NFIA: variants seen among roughly 807,000 people sequenced by gnomAD.
NFIA encodes nuclear factor I A, also known as nuclear factor 1 A-type.
NFIA carries 8 observed loss-of-function variants against 62.8 expected under a neutral mutation model. The ratio of observed to expected loss-of-function variants is 0.13; its 90% CI spans 0.07 to 0.23. The LOEUF (loss-of-function observed/expected upper bound fraction) is 0.23. Ranked by LOEUF, NFIA falls within the 10% of genes least tolerant of loss-of-function variation. The pLI is 1.00. For synonymous variants in NFIA, 235 were observed against 238.1 expected (o/e 0.99, Z 0.12); for missense variants, 410 against 642.1 (o/e 0.64, Z 3.91).
intron 8 of NFIA, 61 bp from the exon 9 acceptor site, chr1:61,406,501 G>A (rs1665826733): frequency 1.4e-6 from 2 of 1,425,264 alleles, no homozygotes; most frequent in South Asian, 1.3e-5. Context: ...AGCAGCTAAT[G>A]GTTGCTGTCT....
Position 61,269,509 on chromosome 1 carries a change from AT to A in NFIA, c.560-8002del, listed in dbSNP as rs570624607. The stretch of plus-strand genomic sequence containing the variant: ...GTGACAAAGAGTTAGAGCTGGATGT[AT>A]TTTTTTTTAAAGTTTCTAAGGTTTT... On this transcript the variant is annotated intron_variant, in intron 2 of 10. Transcript: ENST00000403491. Among the ~76,000 whole-genome samples the A allele has an allele frequency of 1.4e-3, 213 of 151,584 alleles. 1 individual carries two copies. Among genetic ancestry groups the A allele is most frequent in the Non-Finnish European group, 2.4e-3 (160 of 67,822 alleles).
chr1:61,134,478 T>C (rs1038763819), intron 2 of NFIA, among the ~76,000 whole-genome samples: 29 of 152,172 alleles, frequency 1.9e-4, no homozygotes, highest in Admixed American at 1.9e-3. Flanking sequence ...CATGTCCATG[T>C]TACTCTGTGG....
At chr1:61,437,726 C>T (rs1667394652) in intron 10 of NFIA, among the ~76,000 whole-genome samples, 1 of 152,086 alleles carries the variant, frequency 6.6e-6, no homozygotes, top group African/African-American at 2.4e-5. Context: ...GAAGATATGC[C>T]AGAGGAGAAG....
chr1:61,144,895 A>T (rs886996089), intron 2 of NFIA, among the ~76,000 whole-genome samples: 2 of 143,322 alleles, frequency 1.4e-5, no homozygotes, highest in Non-Finnish European at 3.0e-5. Flanking sequence ...AGAAAAAAGA[A>T]TAATGGGACT....
At chr1:61,139,387 C>G (rs1025157696) in intron 2 of NFIA, among the ~76,000 whole-genome samples, 1 of 152,122 alleles carries the variant, frequency 6.6e-6, no homozygotes, top group Non-Finnish European at 1.5e-5. Flanking sequence ...TGAGGGGCTC[C>G]GTGCAGCTTG....
chr1:61,359,844 G>T (rs1205796279), intron 6 of NFIA, among the ~76,000 whole-genome samples: 4 of 152,146 alleles, frequency 2.6e-5, no homozygotes, highest in Non-Finnish European at 4.4e-5. Context: ...TGTTGGCCAG[G>T]CTGGTCTCAA....
intron 2 of NFIA, among the ~76,000 whole-genome samples, chr1:61,264,152 A>T (rs1180005095): frequency 6.6e-6 from 1 of 152,174 alleles, no homozygotes; most frequent in East Asian, 1.9e-4. Context: ...CTCCTAAGAA[A>T]GGTTAATCAA....
intron 2 of NFIA, among the ~76,000 whole-genome samples, chr1:61,238,086 C>T (rs966496534): frequency 6.6e-6 from 1 of 152,116 alleles, no homozygotes; most frequent in African/African-American, 2.4e-5. Flanking sequence ...AGTAAATGAT[C>T]CTCAACCAAT....
At chr1:61,332,611 G>C (rs752349382) in intron 4 of NFIA, 25 bp downstream of exon 4, 14 of 1,605,318 alleles carry the variant, frequency 8.7e-6, no homozygotes, top group Middle Eastern at 1.6e-4. Flanking sequence ...GCTTTGATTT[G>C]GTACAGATTT....
intron 4 of NFIA, among the ~76,000 whole-genome samples, chr1:61,344,121 A>C (rs2100415965): frequency 6.6e-6 from 1 of 152,310 alleles, no homozygotes. Context: ...GGTAAAAGGG[A>C]GATAACAAAG....
chr1:61,118,658 G>A (rs1319278211), intron 2 of NFIA, among the ~76,000 whole-genome samples: 1 of 116,116 alleles, frequency 8.6e-6, no homozygotes, highest in South Asian at 3.2e-4. Flanking sequence ...TGGTCGGGAT[G>A]AGTGTGTGTG....
intron 2 of NFIA, among the ~76,000 whole-genome samples, chr1:61,214,652 T>G (rs1483436192): frequency 6.6e-6 from 1 of 152,192 alleles, no homozygotes; most frequent in African/African-American, 2.4e-5. Flanking sequence ...GACTTCTGAA[T>G]CTGGATATAT....
intron 3 of NFIA, among the ~76,000 whole-genome samples, chr1:61,322,359 T>G (rs1660719735): frequency 6.6e-6 from 1 of 152,206 alleles, no homozygotes; most frequent in Non-Finnish European, 1.5e-5. Flanking sequence ...AAATCTATTT[T>G]TCTTTCTGTT....
chr1:61,387,304 A>G lies in NFIA; in HGVS notation c.1075+3939A>G, dbSNP rs150238583. ...TTGTATTATGTTAGGAGCAAAGGAA[A>G]TAATGTATTTGTAGTCATTTGCACA... On this transcript the variant is annotated intron_variant, in intron 7 of 10. Coordinates refer to ENST00000403491, the MANE Select transcript of NFIA (RefSeq NM_001134673.4). 1.7e-3 allele frequency among the ~76,000 whole-genome samples: 255 copies of G among 152,276 alleles called. 1 individual carries two copies. Among genetic ancestry groups the G allele is most frequent in the African/African-American group, 5.7e-3 (238 of 41,546 alleles).
intron 3 of NFIA, among the ~76,000 whole-genome samples, chr1:61,283,082 A>G (rs1267085250): frequency 6.6e-6 from 1 of 152,140 alleles, no homozygotes; most frequent in African/African-American, 2.4e-5. Context: ...TCTACCTTTC[A>G]TGTTCACCAT....
chr1:61,455,362 C>A lies in NFIA; in HGVS notation c.*42C>A, dbSNP rs114023473. Reference sequence around the variant, plus strand: ...CCATCCACCAGACAGACCACCTGACCCCTTCTCAACTCTGTAACATGGACG... The same window carrying A: ...CCATCCACCAGACAGACCACCTGACACCTTCTCAACTCTGTAACATGGACG... On this transcript the variant is annotated 3_prime_UTR_variant, in exon 11 of 11. Transcript: ENST00000403491. 1 of 1,613,984 alleles carries A rather than the reference C, an allele frequency of 6.2e-7. No individual in the cohort carries two copies. The highest frequency in any genetic ancestry group is 1.1e-5 in the South Asian group (1 of 91,060).
chr1:61,202,217 TGATTAGAGTTCTTTA>T (rs1652550679), intron 2 of NFIA, among the ~76,000 whole-genome samples: 1 of 152,266 alleles, frequency 6.6e-6, no homozygotes, highest in Admixed American at 6.5e-5. Flanking sequence ...GTCATAAACT[TGATTAGAGTTCTTTA>T]AATAAAATCC....
At chr1:61,105,524 TGTG>T in intron 2 of NFIA, among the ~76,000 whole-genome samples, 1 of 152,044 alleles carries the variant, frequency 6.6e-6, no homozygotes, top group East Asian at 1.9e-4. Flanking sequence ...TGGCCTTTCT[TGTG>T]GTGCTCGTCT....
At position 61,242,937 on chromosome 1, in the gene NFIA, C is replaced by T. The variant is rs1006575709; in HGVS notation, c.560-34583C>T. Among the ~76,000 whole-genome samples, 5 of 151,566 alleles carry T rather than the reference C, an allele frequency of 3.3e-5. No homozygotes were observed. The East Asian group carries it at 7.7e-4, about 23-fold the overall frequency. ...CTTTAGGATTTGTTCAGTCATGGAGCCCTTAGGTGGTGTGTACATTTTGTA... is the reference window on the plus strand; with the variant it reads ...CTTTAGGATTTGTTCAGTCATGGAGTCCTTAGGTGGTGTGTACATTTTGTA... On this transcript the variant is annotated intron_variant, in intron 2 of 10. Coordinates refer to ENST00000403491, the MANE Select transcript of NFIA (RefSeq NM_001134673.4).
Sources: gnomAD v4.1 joint callset for allele counts (sites outside exome capture counted in the v4.1 genomes callset) on GRCh38, gnomAD v4.1.1 for gene constraint, MANE v1.5 for transcripts, NCBI Gene and HGNC (gene_info 2026-07-23, HGNC 2026-07-21) for gene names.